OR2L3: variants seen among roughly 807,000 people sequenced by gnomAD.
OR2L3 encodes olfactory receptor family 2 subfamily L member 3.
For synonymous variants in OR2L3, 131 were observed against 139.1 expected (o/e 0.94, Z 0.41); for missense variants, 369 against 376.6 (o/e 0.98, Z 0.17).
At chr1:248,056,208 C>T (rs924412113) in intron 1 of OR2L3, among the ~76,000 whole-genome samples, 1 of 151,978 alleles carries the variant, frequency 6.6e-6, no homozygotes, top group Non-Finnish European at 1.5e-5. Flanking sequence ...TTTTAGGGTA[C>T]ATGTGTACAA....
At chr1:248,056,165 A>T (rs10736376) in intron 1 of OR2L3, among the ~76,000 whole-genome samples, 149,387 of 152,240 alleles carry the variant, frequency 0.98, 73,356 homozygotes, top group Middle Eastern at 1. Flanking sequence ...CTCTCTTTAC[A>T]TCTTTATTAT....
At chr1:248,055,798 G>A (rs1663415323) in intron 1 of OR2L3, 1 of 152,236 alleles carries the variant, frequency 6.6e-6, no homozygotes. Flanking sequence ...ATGATTTAGG[G>A]TGGAGTCCCT....
At chr1:248,056,172 T>C (rs2103118876) in intron 1 of OR2L3, among the ~76,000 whole-genome samples, 1 of 152,280 alleles carries the variant, frequency 6.6e-6, no homozygotes, top group East Asian at 1.9e-4. Flanking sequence ...TACATCTTTA[T>C]TATTCTTTTT....
chr1:248,063,323 T>C lies in OR2L3; in HGVS notation c.*1703T>C, dbSNP rs1663703019. On this transcript the variant is annotated 3_prime_UTR_variant, in exon 2 of 2. Transcript: ENST00000359959. Reference sequence around the variant, plus strand: ...TCCATGACTACCGTTAACGGTAAAGTATTACATAGTGCAATGCTCTTTAAA... The same window carrying C: ...TCCATGACTACCGTTAACGGTAAAGCATTACATAGTGCAATGCTCTTTAAA... 6.6e-6 allele frequency: 1 copy of C among 152,272 alleles called. No individual in the cohort carries two copies. The highest frequency in any genetic ancestry group is 2.4e-5 in the African/African-American group (1 of 41,476). 9.4% of individuals were successfully genotyped at this position (152,272 alleles called of 1,614,324 possible). A position where few individuals can be genotyped will look rare whatever the true frequency, so the allele number is the denominator to read the frequency against.
In OR2L3 at chr1:248,061,777, A is replaced by G; in HGVS notation, c.*157A>G. On this transcript the variant is annotated 3_prime_UTR_variant, in exon 2 of 2. Coordinates refer to ENST00000359959, the MANE Select transcript of OR2L3 (RefSeq NM_001004687.2). ...TTCTGGACAAAATTGTTTTACATAT[A>G]TATGTATATATAACTCCAAACAACC... 1 of 600,428 alleles carries G rather than the reference A, an allele frequency of 1.7e-6. No individual in the cohort carries two copies. Among genetic ancestry groups the G allele is most frequent in the South Asian group, 3.3e-5 (1 of 30,236 alleles). The allele number at this position is 600,428 out of a possible 1,614,324, so 37.2% of individuals were successfully genotyped here.
chr1:248,058,529 G>GTT (rs747321456), intron 1 of OR2L3, among the ~76,000 whole-genome samples: 5 of 151,620 alleles, frequency 3.3e-5, no homozygotes, highest in Non-Finnish European at 4.4e-5. Context: ...GTAAAACCTG[G>GTT]TTATATATAT....
At chr1:248,051,939 T>C (rs1181976855) in intron 1 of OR2L3, among the ~76,000 whole-genome samples, 1 of 152,196 alleles carries the variant, frequency 6.6e-6, no homozygotes, top group African/African-American at 2.4e-5. Context: ...ATAACCACAT[T>C]GTAAATTGAG....
At chr1:248,055,631 C>T (rs1208742095) in intron 1 of OR2L3, among the ~76,000 whole-genome samples, 1 of 152,168 alleles carries the variant, frequency 6.6e-6, no homozygotes, top group Non-Finnish European at 1.5e-5. Flanking sequence ...GTGTTGTGTG[C>T]CTGTTGTTCC....
chr1:248,047,662 A>G (rs956122724), intron 1 of OR2L3, among the ~76,000 whole-genome samples: 1 of 152,184 alleles, frequency 6.6e-6, no homozygotes, highest in African/African-American at 2.4e-5. Context: ...TTCCAGTGAA[A>G]TTATAGAAAT....
At chr1:248,057,553 G>T (rs1663473080) in intron 1 of OR2L3, among the ~76,000 whole-genome samples, 1 of 152,046 alleles carries the variant, frequency 6.6e-6, no homozygotes, top group South Asian at 2.1e-4. Flanking sequence ...TGTGTCTCTT[G>T]AATACAGCAC....
intron 1 of OR2L3, among the ~76,000 whole-genome samples, chr1:248,055,270 G>A (rs1242049933): frequency 6.6e-6 from 1 of 152,186 alleles, no homozygotes; most frequent in Non-Finnish European, 1.5e-5. Context: ...CAACCAGCTT[G>A]CATCCAGGGG....
intron 1 of OR2L3, among the ~76,000 whole-genome samples, chr1:248,053,113 C>T (rs1663324656): frequency 6.6e-6 from 1 of 152,046 alleles, no homozygotes; most frequent in Non-Finnish European, 1.5e-5. Flanking sequence ...CTCCACCGCC[C>T]TCCCACAACA....
intron 1 of OR2L3, 77 bp from the exon 2 acceptor site, chr1:248,060,584 A>T: frequency 1.1e-6 from 1 of 915,270 alleles, no homozygotes; most frequent in Non-Finnish European, 1.7e-6. Context: ...TCAAGAATTT[A>T]CTGAGGGGCT....
intron 1 of OR2L3, among the ~76,000 whole-genome samples, chr1:248,057,658 T>C (rs1663476761): frequency 6.6e-6 from 1 of 152,188 alleles, no homozygotes; most frequent in African/African-American, 2.4e-5. Flanking sequence ...ATTCGTGTCT[T>C]CTTTAATAGC....
At chr1:248,056,532 C>T (rs945088603) in intron 1 of OR2L3, among the ~76,000 whole-genome samples, 2 of 152,050 alleles carry the variant, frequency 1.3e-5, no homozygotes, top group East Asian at 1.9e-4. Flanking sequence ...CTCTGCATCC[C>T]GGAGATTCTG....
chr1:248,055,268 T>G (rs1663397345), intron 1 of OR2L3, among the ~76,000 whole-genome samples: 1 of 152,214 alleles, frequency 6.6e-6, no homozygotes, highest in African/African-American at 2.4e-5. Flanking sequence ...TACAACCAGC[T>G]TGCATCCAGG....
In OR2L3 at chr1:248,061,807, T is replaced by C. The variant is rs984495820; in HGVS notation, c.*187T>C. 1.3e-4 allele frequency: 59 copies of C among 451,908 alleles called. 2 individuals are homozygous for C. The South Asian group carries it at 3.1e-3, about 24-fold the overall frequency. The allele number at this position is 451,908 out of a possible 1,614,324, so 28.0% of individuals were successfully genotyped here. ...TATATATAACTCCAAACAACCTTTTTTCTTCATGGCATTGTTTCCATAAAT... is the reference window on the plus strand; with the variant it reads ...TATATATAACTCCAAACAACCTTTTCTCTTCATGGCATTGTTTCCATAAAT... On this transcript the variant is annotated 3_prime_UTR_variant, in exon 2 of 2. Coordinates refer to ENST00000359959, the MANE Select transcript of OR2L3 (RefSeq NM_001004687.2).
In OR2L3 at chr1:248,063,076, G is replaced by C. The variant is rs1156448441; in HGVS notation, c.*1456G>C. The C allele has an allele frequency of 1.3e-5, 2 of 152,040 alleles. No individual in the cohort carries two copies. 9.4% of individuals were successfully genotyped at this position (152,040 alleles called of 1,614,324 possible). Reference sequence around the variant, plus strand: ...TTATTCTACAGTGCTTTGACTATTTGGGTTCTTTAATAGTTCCATACAAAT... The same window carrying C: ...TTATTCTACAGTGCTTTGACTATTTCGGTTCTTTAATAGTTCCATACAAAT... On this transcript the variant is annotated 3_prime_UTR_variant, in exon 2 of 2. Transcript: ENST00000359959.
At chr1:248,055,902 G>A (rs1240265453) in intron 1 of OR2L3, 1 of 145,764 alleles carries the variant, frequency 6.9e-6, no homozygotes, top group Non-Finnish European at 1.5e-5. Flanking sequence ...CTGAACCTGG[G>A]CTTTTTTTCC....
Sources: gnomAD v4.1 joint callset for allele counts (sites outside exome capture counted in the v4.1 genomes callset) on GRCh38, gnomAD v4.1.1 for gene constraint, MANE v1.5 for transcripts, NCBI Gene and HGNC (gene_info 2026-07-23, HGNC 2026-07-21) for gene names.